The following C1QTNF3 variants were observed in gnomAD, a reference collection of about 807,000 sequenced individuals.
C1QTNF3 encodes the protein complement C1q tumor necrosis factor-related protein 3.
A neutral mutation model predicts 32.6 loss-of-function variants in C1QTNF3; 26 were observed. That is an observed-to-expected ratio of 0.80 (90% confidence interval 0.58 to 1.11). The LOEUF is 1.11. Among genes scored for constraint, C1QTNF3 ranks in the 50% least tolerant of loss-of-function variants. C1QTNF3 has a pLI of 0.00. For synonymous variants in C1QTNF3, 155 were observed against 146.0 expected (o/e 1.06, Z -0.44); for missense variants, 362 against 398.2 (o/e 0.91, Z 0.77).
At chr5:34,180,202 G>A in the C1QTNF3 span, among the ~76,000 whole-genome samples, 1 of 152,426 alleles carries the variant, frequency 6.6e-6, no homozygotes, top group African/African-American at 2.4e-5. Flanking sequence ...AAACTAGCTG[G>A]GCATGGTGGC....
the C1QTNF3 span, among the ~76,000 whole-genome samples, chr5:34,061,395 A>G: frequency 3.9e-5 from 6 of 152,192 alleles, no homozygotes; most frequent in African/African-American, 7.2e-5. Flanking sequence ...TTCGTCTTGC[A>G]GCTTCACTAA....
the C1QTNF3 span, among the ~76,000 whole-genome samples, chr5:34,057,050 C>A: frequency 6.6e-6 from 1 of 152,132 alleles, no homozygotes; most frequent in African/African-American, 2.4e-5. Context: ...GTTCAGGAAT[C>A]TGTGAGATAA....
the C1QTNF3 span, among the ~76,000 whole-genome samples, chr5:34,107,770 T>C: frequency 6.6e-6 from 1 of 152,062 alleles, no homozygotes; most frequent in African/African-American, 2.4e-5. Context: ...TTGCCAAAAT[T>C]CAGTCAATTT....
the C1QTNF3 span, among the ~76,000 whole-genome samples, chr5:34,153,886 A>G: frequency 6.6e-6 from 1 of 151,052 alleles, no homozygotes; most frequent in Non-Finnish European, 1.5e-5. Flanking sequence ...CAAAAGCAAA[A>G]CAAAGCAAAC....
chr5:34,076,033 C>G, the C1QTNF3 span, among the ~76,000 whole-genome samples: 2 of 151,584 alleles, frequency 1.3e-5, no homozygotes, highest in African/African-American at 2.4e-5. Context: ...AAGACAAACA[C>G]TGAATGATTA....
the C1QTNF3 span, among the ~76,000 whole-genome samples, chr5:34,225,078 A>G: frequency 6.6e-6 from 1 of 152,100 alleles, no homozygotes; most frequent in African/African-American, 2.4e-5. Context: ...GCCATCAGAG[A>G]AAAATGAACA....
At chr5:34,029,420 G>A (rs1224196220) in intron 3 of C1QTNF3, among the ~76,000 whole-genome samples, 2 of 152,040 alleles carry the variant, frequency 1.3e-5, no homozygotes, top group African/African-American at 4.8e-5. Context: ...GATTATAGGC[G>A]TGAGCCATGG....
At chr5:34,077,130 G>T in the C1QTNF3 span, among the ~76,000 whole-genome samples, 7 of 151,550 alleles carry the variant, frequency 4.6e-5, no homozygotes, top group Middle Eastern at 0.01. Context: ...TATTACTATT[G>T]TAACAGTGAC....
chr5:34,212,120 C>A, the C1QTNF3 span, among the ~76,000 whole-genome samples: 4 of 151,976 alleles, frequency 2.6e-5, no homozygotes, highest in Non-Finnish European at 5.9e-5. Flanking sequence ...ACTATCTCAT[C>A]TTTGACAAAC....
chr5:34,173,393 C>T, the C1QTNF3 span, among the ~76,000 whole-genome samples: 1 of 145,486 alleles, frequency 6.9e-6, no homozygotes, highest in Non-Finnish European at 1.5e-5. Flanking sequence ...TCAGGCCTAA[C>T]AAAAACAAAC....
the C1QTNF3 span, among the ~76,000 whole-genome samples, chr5:34,215,445 A>G: frequency 1.3e-5 from 2 of 152,242 alleles, no homozygotes; most frequent in South Asian, 2.1e-4. Context: ...AAAACAATAA[A>G]AAAGGCCACA....
chr5:34,083,606 A>G, the C1QTNF3 span, among the ~76,000 whole-genome samples: 1 of 151,648 alleles, frequency 6.6e-6, no homozygotes, highest in Non-Finnish European at 1.5e-5. Flanking sequence ...GTATAAATAG[A>G]TTTTTCAACT....
At chr5:34,213,726 A>ATGTG in the C1QTNF3 span, among the ~76,000 whole-genome samples, 3 of 141,932 alleles carry the variant, frequency 2.1e-5, no homozygotes, top group Non-Finnish European at 4.6e-5. Flanking sequence ...ATGTATATAT[A>ATGTG]TACACGTATA....
the C1QTNF3 span, among the ~76,000 whole-genome samples, chr5:34,201,533 C>T: frequency 6.6e-6 from 1 of 152,034 alleles, no homozygotes. Context: ...GACTGCTTAA[C>T]TTTGCAACTA....
At chr5:34,217,588 C>G in the C1QTNF3 span, among the ~76,000 whole-genome samples, 1 of 152,064 alleles carries the variant, frequency 6.6e-6, no homozygotes, top group South Asian at 2.1e-4. Context: ...CTTAAGGAGC[C>G]ATCCCAGAAG....
chr5:34,045,758 T>C (rs907345089), upstream of C1QTNF3, among the ~76,000 whole-genome samples: 2 of 151,890 alleles, frequency 1.3e-5, no homozygotes, highest in African/African-American at 4.8e-5. Context: ...TGGCCCATTA[T>C]TGATCTCTCC....
the C1QTNF3 span, among the ~76,000 whole-genome samples, chr5:34,221,097 G>GTTTT: frequency 6.6e-6 from 1 of 151,918 alleles, no homozygotes; most frequent in African/African-American, 2.4e-5. Context: ...ATAGCAAAAT[G>GTTTT]TTTTTTTCTT....
At chr5:34,065,908 G>A in the C1QTNF3 span, among the ~76,000 whole-genome samples, 1 of 152,096 alleles carries the variant, frequency 6.6e-6, no homozygotes, top group Non-Finnish European at 1.5e-5. Context: ...TGTTCACAAT[G>A]GCAAAGACGT....
chr5:34,143,522 C>A, the C1QTNF3 span, among the ~76,000 whole-genome samples: 2 of 152,008 alleles, frequency 1.3e-5, no homozygotes, highest in Non-Finnish European at 2.9e-5. Flanking sequence ...TTAAAGGCTG[C>A]CAGAAAGAAG....
Sources: gnomAD v4.1 joint callset for allele counts (sites outside exome capture counted in the v4.1 genomes callset) on GRCh38, gnomAD v4.1.1 for gene constraint, MANE v1.5 for transcripts, NCBI Gene and HGNC (gene_info 2026-07-23, HGNC 2026-07-21) for gene names.